Variants in OTOGL observed in about 807,000 individuals in gnomAD.
OTOGL encodes the protein otogelin-like protein.
OTOGL carries 285 observed loss-of-function variants against 318.5 expected under a neutral mutation model. The ratio of observed to expected loss-of-function variants is 0.89; its 90% CI spans 0.81 to 0.99. The LOEUF (loss-of-function observed/expected upper bound fraction) is 0.99. OTOGL is among the 50% of genes least tolerant of loss of function. The pLI, the probability that OTOGL is intolerant of heterozygous loss-of-function variation, is 0.00. For synonymous variants in OTOGL, 987 were observed against 936.5 expected (o/e 1.05, Z -0.99); for missense variants, 2,899 against 2,845.6 (o/e 1.02, Z -0.43).
intron 1 of OTOGL, among the ~76,000 whole-genome samples, chr12:80,154,138 G>C (rs112690035): frequency 3.7e-4 from 56 of 152,098 alleles, no homozygotes; most frequent in Non-Finnish European, 7.2e-4. Context: ...GCAAAATTCC[G>C]TTTCTACTAA....
intron 26 of OTOGL, among the ~76,000 whole-genome samples, chr12:80,287,728 T>C (rs1012507916): frequency 1.3e-5 from 2 of 152,192 alleles, no homozygotes; most frequent in Non-Finnish European, 2.9e-5. Context: ...CTTCTGCTTT[T>C]TTTTTGCTTT....
chr12:80,122,976 G>A (rs1870578560), intron 1 of OTOGL, among the ~76,000 whole-genome samples: 1 of 151,422 alleles, frequency 6.6e-6, no homozygotes, highest in South Asian at 2.1e-4. Flanking sequence ...CCAGGTAAGA[G>A]GACAGAGTGA....
Position 80,329,098 on chromosome 12 carries a change from C to A in OTOGL, c.4327C>A (p.Pro1443Thr). The A allele has an allele frequency of 1.3e-6, 2 of 1,545,258 alleles. No homozygotes were observed. The highest frequency in any genetic ancestry group is 8.7e-7 in the Non-Finnish European group (1 of 1,155,784). The change falls in exon 37 of 59, where the codon CCA becomes ACA. Residue 1443 changes from proline to threonine, a missense_variant. Transcript: ENST00000547103. ...ACCAACATTAATGCCACCAGCTAAG[C>A]CAACTGTGCCCATGTTTACAGGTAT... ...TEPTLMPPAKPTVPMFTVWEM... is the reference protein window; with the variant it reads ...TEPTLMPPAKTTVPMFTVWEM...
intron 57 of OTOGL, 75 bp from the exon 58 acceptor site, chr12:80,377,048 T>G: frequency 1.0e-6 from 1 of 993,606 alleles, no homozygotes; most frequent in South Asian, 1.8e-5. Flanking sequence ...CAACTGTAAA[T>G]ATATTCATAT....
intron 1 of OTOGL, among the ~76,000 whole-genome samples, chr12:80,208,489 C>T (rs1023185995): frequency 6.6e-6 from 1 of 152,200 alleles, no homozygotes; most frequent in Admixed American, 6.5e-5. Context: ...GTGCAGTTAA[C>T]TCATGGGATC....
chr12:80,224,554 A>G (rs568997758), intron 7 of OTOGL, among the ~76,000 whole-genome samples: 2 of 152,126 alleles, frequency 1.3e-5, no homozygotes, highest in Admixed American at 1.3e-4. Context: ...CGAGCATGGG[A>G]TGTGTTTCTA....
At chr12:80,223,891 C>T (rs1878586746) in intron 7 of OTOGL, among the ~76,000 whole-genome samples, 1 of 152,034 alleles carries the variant, frequency 6.6e-6, no homozygotes, top group African/African-American at 2.4e-5. Context: ...TCTGTTTACT[C>T]TGTTGATTAT....
At chr12:80,154,749 G>A (rs1873009932) in intron 1 of OTOGL, among the ~76,000 whole-genome samples, 1 of 152,176 alleles carries the variant, frequency 6.6e-6, no homozygotes, top group Admixed American at 6.5e-5. Flanking sequence ...ATAAACATCT[G>A]TGTACAGGTT....
chr12:80,367,834 A>C (rs1890644125), intron 54 of OTOGL, 95 bp downstream of exon 54: 1 of 812,096 alleles, frequency 1.2e-6, no homozygotes. Flanking sequence ...CATTAGTTTA[A>C]AATATATATT....
intron 38 of OTOGL, among the ~76,000 whole-genome samples, chr12:80,335,200 C>T (rs577856448): frequency 3.9e-5 from 6 of 152,134 alleles, no homozygotes; most frequent in South Asian, 2.1e-4. Flanking sequence ...CATAGATTCC[C>T]GAGTAACAGT....
intron 1 of OTOGL, among the ~76,000 whole-genome samples, chr12:80,146,204 T>C: frequency 6.8e-6 from 1 of 147,444 alleles, no homozygotes; most frequent in Non-Finnish European, 1.5e-5. Context: ...TTGTCATAGA[T>C]AGCTCTTATT....
chr12:80,251,707 A>G lies in OTOGL; in HGVS notation c.1067A>G (p.Glu356Gly). Residue 356 changes from glutamate (E) to glycine (G), a missense_variant, in exon 12 of 59, where the codon GAA becomes GGA. Coordinates refer to ENST00000547103, the MANE Select transcript of OTOGL (RefSeq NM_001378609.3). ...TCACTTTCTAGAACTGATGATGATGAAACCTATTGCCGAGCAGCCACTGAG... is the reference window on the plus strand; with the variant it reads ...TCACTTTCTAGAACTGATGATGATGGAACCTATTGCCGAGCAGCCACTGAG... ...VNDLCKTDDD[E>G]TYCRAATEYA... 1 of 1,588,372 alleles carries G rather than the reference A, an allele frequency of 6.3e-7. No homozygotes were observed. The highest frequency in any genetic ancestry group is 8.6e-7 in the Non-Finnish European group (1 of 1,166,108).
intron 46 of OTOGL, 26 bp downstream of exon 46, chr12:80,353,536 T>C: frequency 7.0e-7 from 1 of 1,424,544 alleles, no homozygotes; most frequent in Non-Finnish European, 9.3e-7. Flanking sequence ...CAAAATGACT[T>C]CTCAGGAATC....
At chr12:80,235,339 CCTATAATCCCAG>C (rs1276888356) in intron 9 of OTOGL, among the ~76,000 whole-genome samples, 1 of 151,828 alleles carries the variant, frequency 6.6e-6, no homozygotes, top group Admixed American at 6.6e-5. Flanking sequence ...GTGGCAGACA[CCTATAATCCCAG>C]CTACTTAGGA....
Position 80,352,427 on chromosome 12 carries a change from G to A in OTOGL, c.5398G>A (p.Asp1800Asn). Reference sequence around the variant, plus strand: ...TATCTGTATTCAGTGGAGAACACCTGATTACTGCTGTGAGTAACTGTTAAC... The same window carrying A: ...TATCTGTATTCAGTGGAGAACACCTAATTACTGCTGTGAGTAACTGTTAAC... ...FDICIQWRTP[D>N]YCSLSCPEGK... The change falls in exon 45 of 59, where the codon GAT becomes AAT. Residue 1800 changes from aspartate to asparagine, a missense_variant. Around this residue, in one of 3 missense-constraint regions of OTOGL, gnomAD observed 2,607 missense variants for 2,524.9 expected, o/e 1.03. Coordinates refer to ENST00000547103, the MANE Select transcript of OTOGL (RefSeq NM_001378609.3). 2 of 1,586,204 alleles carry A rather than the reference G, an allele frequency of 1.3e-6. No homozygotes were observed. The highest frequency in any genetic ancestry group is 1.7e-6 in the Non-Finnish European group (2 of 1,171,484).
At chr12:80,357,128 C>T (rs1889956435) in intron 49 of OTOGL, among the ~76,000 whole-genome samples, 1 of 152,160 alleles carries the variant, frequency 6.6e-6, no homozygotes, top group Admixed American at 6.6e-5. Flanking sequence ...CTACATACAT[C>T]AGTCCAAATA....
At position 80,225,091 on chromosome 12, in the gene OTOGL, T is replaced by TA. The variant is rs1032081071; in HGVS notation, c.489+2855dup. Among the ~76,000 whole-genome samples the TA allele has an allele frequency of 1.5e-3, 225 of 150,732 alleles. 3 individuals carry two copies. The highest frequency in any genetic ancestry group is 4.9e-3 in the African/African-American group (203 of 41,130). Reference sequence around the variant, plus strand: ...AACAAAATAACAAATGTATTTAAAGTAAAAAAAAAGAAATGAGATATATTG... The same window carrying TA: ...AACAAAATAACAAATGTATTTAAAGTAAAAAAAAAAGAAATGAGATATATTG... On this transcript the variant is annotated intron_variant, in intron 7 of 58. Coordinates refer to ENST00000547103, the MANE Select transcript of OTOGL (RefSeq NM_001378609.3).
intron 27 of OTOGL, among the ~76,000 whole-genome samples, chr12:80,301,517 C>T (rs532933213): frequency 2.0e-5 from 3 of 152,302 alleles, no homozygotes; most frequent in African/African-American, 7.2e-5. Flanking sequence ...ATGCTCTAGC[C>T]TTTTGGTACT....
At chr12:80,217,293 C>G (rs900178981) in intron 4 of OTOGL, among the ~76,000 whole-genome samples, 4 of 151,052 alleles carry the variant, frequency 2.6e-5, no homozygotes, top group African/African-American at 9.8e-5. Context: ...GGGGGGAAGA[C>G]TGGATGATGG....
Sources: allele counts gnomAD v4.1 joint callset (sites outside exome capture counted in the v4.1 genomes callset), GRCh38; gene constraint gnomAD v4.1.1; regional missense constraint gnomAD v4.1.1; transcripts MANE v1.5; gene names NCBI Gene and HGNC (gene_info 2026-07-23, HGNC 2026-07-21).